FYB1: variants seen among roughly 807,000 people sequenced by gnomAD.
The protein encoded by FYB1 is FYN-binding protein 1.
A neutral mutation model predicts 94.1 loss-of-function variants in FYB1; 41 were observed. That is an observed-to-expected ratio of 0.44 (90% CI 0.34 to 0.57). The LOEUF is 0.57. Among genes scored for constraint, FYB1 ranks in the 20% least tolerant of loss-of-function variants. The pLI is 0.02. For synonymous variants in FYB1, 367 were observed against 353.2 expected, an observed-to-expected ratio of 1.04 and a Z score of -0.44; for missense variants, 1,050 against 976.8, an observed-to-expected ratio of 1.07 and a Z score of -1.00.
intron 1 of FYB1, among the ~76,000 whole-genome samples, chr5:39,204,404 TC>T (rs1399609930): frequency 6.6e-6 from 1 of 152,182 alleles, no homozygotes; most frequent in African/African-American, 2.4e-5. Context: ...TGGGTTTAAA[TC>T]CTAGCCAGAA....
intron 11 of FYB1, among the ~76,000 whole-genome samples, chr5:39,126,375 T>C (rs1740672119): frequency 6.6e-6 from 1 of 152,026 alleles, no homozygotes; most frequent in South Asian, 2.1e-4. Flanking sequence ...TCCCACTTCT[T>C]AAAATGTGAA....
At chr5:39,169,552 A>G (rs1251290656) in intron 2 of FYB1, 2 of 530,752 alleles carry the variant, frequency 3.8e-6, no homozygotes, top group African/African-American at 3.8e-5. Context: ...TCCAGTTGAA[A>G]GACCAAGGAG....
intron 1 of FYB1, among the ~76,000 whole-genome samples, chr5:39,244,722 C>T (rs535437173): frequency 2.0e-5 from 3 of 152,286 alleles, no homozygotes; most frequent in South Asian, 4.1e-4. Context: ...ATGGTACCAG[C>T]TCCTCCTTGT....
At chr5:39,121,095 G>A (rs1740049308) in intron 14 of FYB1, among the ~76,000 whole-genome samples, 1 of 150,732 alleles carries the variant, frequency 6.6e-6, no homozygotes, top group Non-Finnish European at 1.5e-5. Context: ...AGTTAGCTGG[G>A]GTTTATTTTG....
chr5:39,113,326 C>T (rs933805177), intron 16 of FYB1, among the ~76,000 whole-genome samples: 1 of 152,114 alleles, frequency 6.6e-6, no homozygotes, highest in African/African-American at 2.4e-5. Context: ...AGAAGGGCAG[C>T]TATGTTTAGC....
chr5:39,264,996 G>A (rs1752364542), intron 1 of FYB1, among the ~76,000 whole-genome samples: 1 of 152,150 alleles, frequency 6.6e-6, no homozygotes, highest in East Asian at 1.9e-4. Context: ...CTCCAAGCGT[G>A]GGCCCTGGAC....
intron 1 of FYB1, among the ~76,000 whole-genome samples, chr5:39,247,082 A>G (rs1377665975): frequency 1.6e-5 from 2 of 126,174 alleles, no homozygotes; most frequent in Admixed American, 7.8e-5. Context: ...ATATATATAT[A>G]TATATATATA....
At chr5:39,261,948 T>A (rs946614203) in intron 1 of FYB1, among the ~76,000 whole-genome samples, 1 of 152,104 alleles carries the variant, frequency 6.6e-6, no homozygotes, top group African/African-American at 2.4e-5. Flanking sequence ...GTTATCCATA[T>A]CAGCTAATAT....
Position 39,170,023 on chromosome 5 carries a change from G to C in FYB1, c.1136-16419C>G, listed in dbSNP as rs1041167051. ...TTGGGATGAAGGCCTAGGAACAGAT[G>C]AATTTTCAATAGGATGAGAGGCCTC... On this transcript the variant is annotated intron_variant, in intron 2 of 18. Coordinates refer to ENST00000512982, the MANE Select transcript of FYB1 (RefSeq NM_001465.6). 19 of 762,770 alleles carry C rather than the reference G, an allele frequency of 2.5e-5. No individual in the cohort carries two copies. The African/African-American group carries it at 3.0e-4, about 12-fold the overall frequency. 47.3% of individuals were successfully genotyped at this position (762,770 alleles called of 1,614,324 possible).
In FYB1 at chr5:39,119,554, T is replaced by C. The variant is rs772894906; in HGVS notation, c.2219A>G (p.Asp740Gly). 3 of 1,543,052 alleles carry C rather than the reference T, an allele frequency of 1.9e-6. No homozygotes were observed. Among genetic ancestry groups the C allele is most frequent in the Non-Finnish European group, 2.6e-6 (3 of 1,143,672 alleles). ...KLKKQEKEEKDFRKKFKYDGE... is the reference protein window; with the variant it reads ...KLKKQEKEEKGFRKKFKYDGE... ...ACATACTTTAAATTTTTTCCTGAAGTCTTTTTCTTCTTTTTCCTGCTTTTT... is the reference window on the plus strand; with the variant it reads ...ACATACTTTAAATTTTTTCCTGAAGCCTTTTTCTTCTTTTTCCTGCTTTTT... The change falls in exon 15 of 19, where the codon GAC becomes GGC. Residue 740 changes from aspartate (D) to glycine (G), a missense_variant. Transcript: ENST00000512982.
intron 1 of FYB1, among the ~76,000 whole-genome samples, chr5:39,265,930 G>A (rs1006008318): frequency 4.6e-5 from 7 of 151,092 alleles, no homozygotes; most frequent in African/African-American, 9.7e-5. Context: ...CTTAAAAACT[G>A]GATGAAAGGA....
chr5:39,196,889 T>C (rs983505359), intron 2 of FYB1, among the ~76,000 whole-genome samples: 7 of 152,220 alleles, frequency 4.6e-5, no homozygotes, highest in African/African-American at 9.6e-5. Flanking sequence ...AGTTTACTCA[T>C]AGAATTCCTA....
chr5:39,141,714 TACAAAAAATTAGCCTGGCATGGTAGTG>T (rs1159815380), intron 3 of FYB1, among the ~76,000 whole-genome samples: 18 of 152,036 alleles, frequency 1.2e-4, no homozygotes, highest in African/African-American at 4.3e-4. Context: ...ACCGACCTAA[TACAAAAAATTAGCCTGGCATGGTAGTG>T]CACGTCTGTA....
chr5:39,264,619 C>T (rs1356834345), intron 1 of FYB1, among the ~76,000 whole-genome samples: 1 of 152,198 alleles, frequency 6.6e-6, no homozygotes, highest in East Asian at 1.9e-4. Context: ...GCACCTGCCA[C>T]TTCCTCAGCT....
At chr5:39,209,260 T>A (rs1444400880) in intron 1 of FYB1, among the ~76,000 whole-genome samples, 1 of 152,152 alleles carries the variant, frequency 6.6e-6, no homozygotes, top group African/African-American at 2.4e-5. Flanking sequence ...GCATCGTAGA[T>A]AACAAGCTCC....
At chr5:39,247,997 G>T (rs1275101936) in intron 1 of FYB1, among the ~76,000 whole-genome samples, 1 of 151,806 alleles carries the variant, frequency 6.6e-6, no homozygotes. Context: ...AAGCACATTG[G>T]TTACTCAAGT....
chr5:39,157,989 A>G (rs550637562), intron 2 of FYB1, among the ~76,000 whole-genome samples: 55 of 152,332 alleles, frequency 3.6e-4, no homozygotes, highest in Middle Eastern at 3.4e-3. Flanking sequence ...GAAGGACATA[A>G]TAGGCATCTT....
intron 2 of FYB1, chr5:39,170,232 G>T: frequency 1.1e-6 from 1 of 927,824 alleles, no homozygotes; most frequent in Non-Finnish European, 1.7e-6. Context: ...ATATGATGTT[G>T]CTGGTGGTGG....
chr5:39,168,293 A>G (rs549141901), intron 2 of FYB1, among the ~76,000 whole-genome samples: 1 of 152,236 alleles, frequency 6.6e-6, no homozygotes, highest in South Asian at 2.1e-4. Context: ...TTCTTCTTTC[A>G]ATTACTGTAA....
Sources: gnomAD v4.1 joint callset for allele counts (sites outside exome capture counted in the v4.1 genomes callset) on GRCh38, gnomAD v4.1.1 for gene constraint, MANE v1.5 for transcripts, NCBI Gene and HGNC (gene_info 2026-07-23, HGNC 2026-07-21) for gene names.